PDK3: variants seen among roughly 807,000 people sequenced by gnomAD.
PDK3 encodes the protein pyruvate dehydrogenase kinase, isozyme 3.
PDK3 carries 12 observed loss-of-function variants against 32.0 expected under a neutral mutation model. The ratio of observed to expected loss-of-function variants is 0.37; its 90% CI spans 0.24 to 0.61. The LOEUF is 0.61. PDK3 is among the 20% of genes least tolerant of loss of function. PDK3 has a pLI of 0.65. For synonymous variants in PDK3, 122 were observed against 116.3 expected (o/e 1.05, Z -0.31); for missense variants, 188 against 316.9 (o/e 0.59, Z 3.09).
intron 2 of PDK3, among the ~76,000 whole-genome samples, chrX:24,496,337 A>C (rs1017021256): frequency 1.8e-5 from 2 of 109,699 alleles, no homozygotes; most frequent in African/African-American, 6.7e-5. Context: ...GCACACATAT[A>C]TATAATCTAT....
Position 24,498,898 on chromosome X carries a change from TA to T in PDK3, c.320del (p.Asn107ThrfsTer6). On this transcript the variant is annotated frameshift_variant and splice_region_variant, in exon 3 of 11. Transcript: ENST00000379162. LOFTEE classifies it high-confidence loss of function. ...KSPEDPQVLD[N>X]FLQVLIKVRN... ...GCCCTGAGGATCCACAGGTCTTGGA[TA>T]AGTAAGTATGGTACCACTTAGCTGA... 1 of 1,100,590 alleles carries T rather than the reference TA, an allele frequency of 9.1e-7. No individual in the cohort carries two copies. The highest frequency in any genetic ancestry group is 1.2e-6 in the Non-Finnish European group (1 of 814,227). 90.7% of individuals were successfully genotyped at this position (1,100,590 alleles called of 1,213,427 possible).
intron 6 of PDK3, among the ~76,000 whole-genome samples, chrX:24,525,028 A>G (rs1922489550): frequency 9.1e-6 from 1 of 110,307 alleles, no homozygotes; most frequent in Non-Finnish European, 1.9e-5. Flanking sequence ...GTGGCGGCGC[A>G]CACCTGTAAT....
At chrX:24,484,245 C>T (rs1921341369) in intron 1 of PDK3, among the ~76,000 whole-genome samples, 1 of 111,835 alleles carries the variant, frequency 8.9e-6, no homozygotes, top group Non-Finnish European at 1.9e-5. Flanking sequence ...AACATCTGAG[C>T]TCAAGTGATC....
chrX:24,523,714 G>A (rs11094970), intron 6 of PDK3, among the ~76,000 whole-genome samples: 46,460 of 110,608 alleles, frequency 0.42, 7,266 homozygotes, highest in African/African-American at 0.54. Flanking sequence ...TTGTTACCCT[G>A]CAGCAAAGCC....
intron 3 of PDK3, among the ~76,000 whole-genome samples, chrX:24,501,198 G>C (rs1034414068): frequency 9.0e-6 from 1 of 111,130 alleles, no homozygotes; most frequent in Non-Finnish European, 1.9e-5. Context: ...CCTTTCTTCC[G>C]TGCTTTTCCC....
chrX:24,502,887 C>A (rs190776809), intron 3 of PDK3, among the ~76,000 whole-genome samples: 200 of 111,889 alleles, frequency 1.8e-3, no homozygotes, highest in Middle Eastern at 0.014. Context: ...GACATTATTT[C>A]TTTATTCATG....
At chrX:24,507,437 A>G (rs1247607013) in intron 5 of PDK3, among the ~76,000 whole-genome samples, 1 of 111,879 alleles carries the variant, frequency 8.9e-6, no homozygotes, top group East Asian at 2.8e-4. Flanking sequence ...CTCAGACTTG[A>G]TTAAGTAACC....
chrX:24,494,783 C>T lies in PDK3; in HGVS notation c.148C>T (p.Arg50Ter), dbSNP rs1921659942. ...TGAGAAAACTTCATATATGTTTCTA[C>T]GAAAGGAACTTCCTGTGCGGCTGGC... Reference protein sequence around the residue: ...ACEKTSYMFLRKELPVRLANT... With the variant: ...ACEKTSYMFL Residue 50 changes from arginine to a stop codon, truncating the protein, a stop_gained, in exon 2 of 11, where the codon CGA becomes TGA. Coordinates refer to ENST00000379162, the MANE Select transcript of PDK3 (RefSeq NM_005391.5). LOFTEE classifies it high-confidence loss of function. The T allele has an allele frequency of 8.4e-7, 1 of 1,195,480 alleles. No individual in the cohort carries two copies.
chrX:24,496,494 T>C (rs955338956), intron 2 of PDK3, among the ~76,000 whole-genome samples: 1 of 109,023 alleles, frequency 9.2e-6, no homozygotes, highest in Admixed American at 9.9e-5. Flanking sequence ...AAATTTAACA[T>C]TGATACAGTA....
chrX:24,504,687 T>C (rs1921939743), intron 4 of PDK3, among the ~76,000 whole-genome samples: 2 of 112,396 alleles, frequency 1.8e-5, no homozygotes, highest in African/African-American at 3.2e-5. Flanking sequence ...TGTGAAATTA[T>C]CTGAGTGTAT....
intron 9 of PDK3, among the ~76,000 whole-genome samples, chrX:24,529,919 A>G (rs1306234706): frequency 8.9e-6 from 1 of 112,033 alleles, no homozygotes; most frequent in Admixed American, 9.4e-5. Flanking sequence ...GTTTGAGAAT[A>G]TCCACCCAGC....
At chrX:24,538,828 A>G (rs1280550273), downstream of PDK3, among the ~76,000 whole-genome samples, 1 of 111,799 alleles carries the variant, frequency 8.9e-6, no homozygotes, top group Non-Finnish European at 1.9e-5. Flanking sequence ...GTATATTCAC[A>G]GAGTTGTGCA....
chrX:24,527,379 A>G (rs961573423), intron 7 of PDK3, among the ~76,000 whole-genome samples, 195 bp from the exon 8 acceptor site: 1 of 111,320 alleles, frequency 9.0e-6, no homozygotes, highest in Admixed American at 9.6e-5. Context: ...GGTGAAAAAC[A>G]AAGTGTCAGG....
chrX:24,478,154 T>A (rs904182292), intron 1 of PDK3, among the ~76,000 whole-genome samples: 2 of 111,736 alleles, frequency 1.8e-5, no homozygotes, highest in Non-Finnish European at 3.8e-5. Context: ...GCATTGAAAC[T>A]GGCATTGAGG....
intron 1 of PDK3, among the ~76,000 whole-genome samples, chrX:24,494,086 A>G (rs1319860505): frequency 8.9e-6 from 1 of 112,068 alleles, no homozygotes; most frequent in African/African-American, 3.2e-5. Flanking sequence ...CTTATGGTCA[A>G]CCCACATCTT....
At chrX:24,512,360 C>T (rs867135764) in intron 5 of PDK3, among the ~76,000 whole-genome samples, 1 of 112,132 alleles carries the variant, frequency 8.9e-6, no homozygotes, top group Non-Finnish European at 1.9e-5. Context: ...AATATAATAG[C>T]ACACAAGTGG....
chrX:24,493,646 G>A (rs1220248984), intron 1 of PDK3, among the ~76,000 whole-genome samples: 4 of 111,863 alleles, frequency 3.6e-5, no homozygotes, highest in South Asian at 3.8e-4. Flanking sequence ...CACGGAGACC[G>A]GAAGGACCAG....
At chrX:24,466,943 A>G (rs1193054094) in intron 1 of PDK3, among the ~76,000 whole-genome samples, 1 of 112,146 alleles carries the variant, frequency 8.9e-6, no homozygotes, top group Non-Finnish European at 1.9e-5. Context: ...TCATTAGTGT[A>G]AACTGAAACA....
intron 3 of PDK3, among the ~76,000 whole-genome samples, chrX:24,503,060 A>G (rs186589367): frequency 1.7e-3 from 186 of 111,706 alleles, no homozygotes; most frequent in Non-Finnish European, 2.4e-3. Flanking sequence ...GGATTCCTAA[A>G]AGGGTATTTG....
Sources: allele counts gnomAD v4.1 joint callset (sites outside exome capture counted in the v4.1 genomes callset), GRCh38; gene constraint gnomAD v4.1.1; transcripts MANE v1.5; gene names NCBI Gene and HGNC (gene_info 2026-07-23, HGNC 2026-07-21).